The following GABRB3 variants were observed in gnomAD, a reference collection of about 807,000 sequenced individuals.
GABRB3 encodes gamma-aminobutyric acid receptor subunit beta-3.
GABRB3 carries 14 observed loss-of-function variants against 52.1 expected under a neutral mutation model. That is an observed-to-expected ratio of 0.27 (90% CI 0.18 to 0.42). The LOEUF is 0.42. Ranked by LOEUF, GABRB3 falls within the 10% of genes least tolerant of loss-of-function variation. The probability of loss-of-function intolerance (pLI) is 1.00; values close to 1 mark genes in which losing one functional copy is unlikely to be tolerated. For synonymous variants in GABRB3, 260 were observed against 232.3 expected, an observed-to-expected ratio of 1.12 and a Z score of -1.08; for missense variants, 307 against 609.1, an observed-to-expected ratio of 0.50 and a Z score of 5.22.
At chr15:26,714,726 C>T (rs902879004) in intron 3 of GABRB3, among the ~76,000 whole-genome samples, 1 of 152,162 alleles carries the variant, frequency 6.6e-6, no homozygotes, top group African/African-American at 2.4e-5. Flanking sequence ...TTCCCTTTAG[C>T]TTAGTGATTT....
At chr15:26,645,701 C>A (rs67677758) in intron 3 of GABRB3, among the ~76,000 whole-genome samples, 37,696 of 151,990 alleles carry the variant, frequency 0.25, 5,940 homozygotes, top group East Asian at 0.82. Flanking sequence ...TAAAGGACTC[C>A]GAATTCATGC....
At chr15:26,579,174 T>C (rs954208150) in intron 6 of GABRB3, among the ~76,000 whole-genome samples, 2 of 152,188 alleles carry the variant, frequency 1.3e-5, no homozygotes, top group South Asian at 2.1e-4. Context: ...CCAGGACACA[T>C]TGGGCATTAC....
At chr15:26,704,234 G>A (rs1404247026) in intron 3 of GABRB3, among the ~76,000 whole-genome samples, 1 of 152,236 alleles carries the variant, frequency 6.6e-6, no homozygotes, top group Non-Finnish European at 1.5e-5. Context: ...CAGGGTGTCT[G>A]GGAAGTGCTG....
chr15:26,689,535 C>A (rs950752120), intron 3 of GABRB3, among the ~76,000 whole-genome samples: 1 of 152,088 alleles, frequency 6.6e-6, no homozygotes. Context: ...ACACTTCATG[C>A]CTCATTACAC....
At chr15:26,732,432 C>T (rs1391420281) in intron 3 of GABRB3, among the ~76,000 whole-genome samples, 3 of 152,098 alleles carry the variant, frequency 2.0e-5, no homozygotes, top group Non-Finnish European at 4.4e-5. Flanking sequence ...TATCCATTAA[C>T]ACAAAAACTT....
chr15:26,755,646 T>C (rs1347234677), intron 3 of GABRB3, among the ~76,000 whole-genome samples: 3 of 152,326 alleles, frequency 2.0e-5, no homozygotes, highest in East Asian at 3.9e-4. Context: ...CTAATAGAAA[T>C]TGATTCTAGA....
chr15:26,720,603 C>G (rs773278491), intron 3 of GABRB3, among the ~76,000 whole-genome samples: 4 of 152,196 alleles, frequency 2.6e-5, no homozygotes, highest in Non-Finnish European at 4.4e-5. Context: ...TTAGATTTTA[C>G]TTAGACCACA....
intron 3 of GABRB3, among the ~76,000 whole-genome samples, chr15:26,691,858 T>C (rs1888600150): frequency 6.6e-6 from 1 of 152,176 alleles, no homozygotes; most frequent in Non-Finnish European, 1.5e-5. Flanking sequence ...AGCTCATGGA[T>C]CTTACAAATA....
intron 4 of GABRB3, among the ~76,000 whole-genome samples, chr15:26,620,850 T>C (rs978178542): frequency 5.9e-5 from 9 of 152,162 alleles, no homozygotes; most frequent in African/African-American, 2.2e-4. Flanking sequence ...ATCTCTCACT[T>C]AGTCATTCCC....
chr15:26,710,029 T>C lies in GABRB3; in HGVS notation c.240+62373A>G, dbSNP rs578192689. ...TTTTGCCTTTCTTATATAAATGGAA[T>C]CATAGGCTATGTAGTCTTTGGTGTC... On this transcript the variant is annotated intron_variant, in intron 3 of 8. Transcript: ENST00000311550. 2.0e-4 allele frequency among the ~76,000 whole-genome samples: 31 copies of C among 152,314 alleles called. No homozygotes were observed. The South Asian group carries it at 2.3e-3, about 11-fold the overall frequency.
chr15:26,613,762 T>C (rs1892160936), intron 4 of GABRB3: 1 of 152,128 alleles, frequency 6.6e-6, no homozygotes, highest in Non-Finnish European at 1.5e-5. Flanking sequence ...ACTGACAAGA[T>C]AATGTCAGCT....
chr15:26,703,766 G>C (rs1889010565), intron 3 of GABRB3, among the ~76,000 whole-genome samples: 1 of 152,158 alleles, frequency 6.6e-6, no homozygotes, highest in Admixed American at 6.5e-5. Context: ...AACCCAAAGG[G>C]GGCAAGCATT....
intron 4 of GABRB3, among the ~76,000 whole-genome samples, chr15:26,600,040 G>A (rs1891531219): frequency 6.6e-6 from 1 of 151,868 alleles, no homozygotes; most frequent in Admixed American, 6.6e-5. Context: ...GAAATAGAAT[G>A]AATAGAAAAG....
intron 3 of GABRB3, among the ~76,000 whole-genome samples, chr15:26,669,786 C>A (rs1014623260): frequency 5.9e-5 from 9 of 152,210 alleles, no homozygotes; most frequent in Admixed American, 3.9e-4. Flanking sequence ...TCTTCTACAA[C>A]CACCATCACC....
intron 8 of GABRB3, among the ~76,000 whole-genome samples, chr15:26,554,142 A>AAG (rs1889624362): frequency 2.2e-5 from 1 of 45,800 alleles, no homozygotes; most frequent in Non-Finnish European, 3.9e-5. Flanking sequence ...TATATATATA[A>AAG]AGTATATATA....
Position 26,552,148 on chromosome 15 carries a change from C to T in GABRB3, c.1081-4014G>A, listed in dbSNP as rs144596277. 3.4e-3 allele frequency among the ~76,000 whole-genome samples: 520 copies of T among 152,248 alleles called. 3 individuals carry two copies. Among genetic ancestry groups the T allele is most frequent in the Non-Finnish European group, 6.0e-3 (406 of 68,022 alleles). On this transcript the variant is annotated intron_variant, in intron 8 of 8. Transcript: ENST00000311550. ...TCAGCCTCCCAAGTAGCTGGGATTA[C>T]AGGCATGTGCCACCACACCCAGCTA...
At chr15:26,605,079 G>A (rs893006018) in intron 4 of GABRB3, among the ~76,000 whole-genome samples, 2 of 151,860 alleles carry the variant, frequency 1.3e-5, no homozygotes, top group Admixed American at 6.6e-5. Context: ...AGAACAAAGT[G>A]TCATTAATTA....
rs947401749 is a variant in GABRB3 at position 26,547,553 on chromosome 15, ATT to A, written c.*238_*239del. ...CTGCAAAATGTATATATGTATGTGT[ATT>A]TGTCTTCCATACACATGGGCACTGA... On this transcript the variant is annotated 3_prime_UTR_variant, in exon 9 of 9. Transcript: ENST00000311550. 1.7e-6 allele frequency: 1 copy of A among 588,884 alleles called. No homozygotes were observed. The highest frequency in any genetic ancestry group is 1.9e-5 in the African/African-American group (1 of 53,868). The allele number at this position is 588,884 out of a possible 1,614,324, so 36.5% of individuals were successfully genotyped here.
At chr15:26,753,182 C>T (rs1434655853) in intron 3 of GABRB3, among the ~76,000 whole-genome samples, 1 of 152,128 alleles carries the variant, frequency 6.6e-6, no homozygotes, top group Non-Finnish European at 1.5e-5. Flanking sequence ...TGGAGCTGGT[C>T]CTTATTCTTA....
Sources: gnomAD v4.1 joint callset for allele counts (sites outside exome capture counted in the v4.1 genomes callset) on GRCh38, gnomAD v4.1.1 for gene constraint, MANE v1.5 for transcripts, NCBI Gene and HGNC (gene_info 2026-07-23, HGNC 2026-07-21) for gene names.